Variants in PABIR2 observed in about 807,000 individuals in gnomAD.
PABIR2 encodes PABIR family member 2, also known as family with sequence similarity 122B.
A neutral mutation model predicts 22.8 loss-of-function variants in PABIR2; 7 were observed. The observed-to-expected ratio is 0.31, with a 90% confidence interval of 0.17 to 0.58. The LOEUF (loss-of-function observed/expected upper bound fraction) is 0.58. Among genes scored for constraint, PABIR2 ranks in the 20% least tolerant of loss-of-function variants. PABIR2 has a pLI of 0.89. For missense variants in PABIR2, 155 were observed against 205.1 expected (o/e 0.76, Z 1.49); for synonymous variants, 67 against 73.8 (o/e 0.91, Z 0.47).
In PABIR2 at chrX:134,785,962, A is replaced by G. The variant is rs1169894148; in HGVS notation, c.498-12T>C. On this transcript the variant is annotated splice_polypyrimidine_tract_variant and intron_variant, in intron 7 of 9. Transcript: ENST00000343004. The stretch of plus-strand genomic sequence containing the variant: ...TCTGACTTCTCCTGCTTTGATGAAA[A>G]AACAAACAGGATAATGTGAAGAACA... 3 of 1,203,769 alleles carry G rather than the reference A, an allele frequency of 2.5e-6. No individual in the cohort carries two copies. In the Admixed American group the frequency reaches 6.6e-5, roughly 26 times the overall value.
intron 7 of PABIR2, among the ~76,000 whole-genome samples, chrX:134,786,410 C>T (rs1462034045): frequency 1.8e-5 from 2 of 109,444 alleles, no homozygotes; most frequent in Non-Finnish European, 3.8e-5. Context: ...CCCAGCTACC[C>T]AGGAGGCTGA....
chrX:134,788,615 T>C (rs2079451582), intron 6 of PABIR2, 115 bp downstream of exon 6: 2 of 463,629 alleles, frequency 4.3e-6, no homozygotes, highest in South Asian at 1.2e-4. Context: ...GCTGTAGATT[T>C]TCATTGATTT....
intron 9 of PABIR2, among the ~76,000 whole-genome samples, chrX:134,780,419 T>C (rs2079124922): frequency 9.1e-6 from 1 of 109,930 alleles, no homozygotes; most frequent in Non-Finnish European, 1.9e-5. Context: ...CCACTACAAA[T>C]ACAAAAAAAA....
At chrX:134,779,906 C>T (rs2079113045) in intron 9 of PABIR2, among the ~76,000 whole-genome samples, 1 of 112,380 alleles carries the variant, frequency 8.9e-6, no homozygotes, top group South Asian at 3.7e-4. Context: ...TCTTGACAAG[C>T]TTCAGAAGTT....
At chrX:134,788,575 CAT>C (rs200016277) in intron 6 of PABIR2, among the ~76,000 whole-genome samples, 153 bp downstream of exon 6, 3 of 105,828 alleles carry the variant, frequency 2.8e-5, no homozygotes, top group Admixed American at 2.1e-4. Flanking sequence ...CAAGAATATA[CAT>C]ATATATATGT....
intron 2 of PABIR2, among the ~76,000 whole-genome samples, chrX:134,790,734 G>T (rs2079521672): frequency 8.9e-6 from 1 of 111,750 alleles, no homozygotes; most frequent in Admixed American, 9.5e-5. Context: ...GGAGACTGGA[G>T]TATAAGATAA....
chrX:134,769,815 G>A lies in PABIR2; in HGVS notation c.*2324C>T, dbSNP rs1026214352. On this transcript the variant is annotated 3_prime_UTR_variant, in exon 10 of 10. Transcript: ENST00000343004. ...GAGAGAATTTTACTTTATAACAATCGCTTTTCAAATATTAGACTTTATATA... is the reference window on the plus strand; with the variant it reads ...GAGAGAATTTTACTTTATAACAATCACTTTTCAAATATTAGACTTTATATA... 4.5e-5 allele frequency: 5 copies of A among 111,695 alleles called. No individual in the cohort carries two copies. The highest frequency in any genetic ancestry group is 9.4e-5 in the Non-Finnish European group (5 of 53,065). The allele number at this position is 111,695 out of a possible 1,213,427, so 9.2% of individuals were successfully genotyped here.
intron 1 of PABIR2, among the ~76,000 whole-genome samples, chrX:134,795,807 G>A (rs2079768955): frequency 8.9e-6 from 1 of 111,762 alleles, no homozygotes; most frequent in Non-Finnish European, 1.9e-5. Context: ...GACATTCCCT[G>A]GTGTAAGTTA....
intron 9 of PABIR2, among the ~76,000 whole-genome samples, chrX:134,780,383 C>G (rs2079124436): frequency 8.9e-6 from 1 of 111,735 alleles, no homozygotes; most frequent in Admixed American, 9.5e-5. Context: ...CGAGACCAGC[C>G]TGGCCAACAT....
At chrX:134,796,059 G>C (rs1298199638) in intron 1 of PABIR2, 49 bp downstream of exon 1, 8 of 1,122,985 alleles carry the variant, frequency 7.1e-6, no homozygotes, top group Non-Finnish European at 9.8e-6. Context: ...CTTGCATGGG[G>C]GCAAGGAGCC....
chrX:134,775,518 CAAA>C (rs773542327), intron 9 of PABIR2, among the ~76,000 whole-genome samples: 1 of 25,239 alleles, frequency 4.0e-5, no homozygotes, highest in African/African-American at 1.5e-4. Context: ...GACTCCGTCT[CAAA>C]AAAAAAAAAA....
intron 1 of PABIR2, among the ~76,000 whole-genome samples, chrX:134,795,369 A>G (rs762968709): frequency 1.8e-5 from 2 of 111,639 alleles, no homozygotes; most frequent in Non-Finnish European, 3.8e-5. Context: ...TTGTCTCCTT[A>G]TAAAAGTGAA....
Position 134,793,827 on chromosome X carries a change from G to A in PABIR2, c.165C>T (p.Ser55=), listed in dbSNP as rs773424160. 3.3e-6 allele frequency: 4 copies of A among 1,209,861 alleles called. No homozygotes were observed. The highest frequency in any genetic ancestry group is 1.8e-5 in the South Asian group (1 of 56,827). The part of the protein sequence containing the change: ...RTRRNSTTIM[S]RHSLLLSSSP... ...CTTCTATACTTACCAGGCTGTGACGGCTCATAATTGTTGTACTATTCCTCC... is the reference window on the plus strand; with the variant it reads ...CTTCTATACTTACCAGGCTGTGACGACTCATAATTGTTGTACTATTCCTCC... The change falls in exon 2 of 10, where the codon AGC becomes AGT. Residue 55 remains serine (S), a synonymous_variant. Transcript: ENST00000343004.
chrX:134,787,601 G>A lies in PABIR2; in HGVS notation c.436-68C>T, dbSNP rs191471437. Reference sequence around the variant, plus strand: ...ATATTAAAATAGTTCTAGCACTCCAGTTTTCTTTCTTTTTTTTTTTTTTTT... The same window carrying A: ...ATATTAAAATAGTTCTAGCACTCCAATTTTCTTTCTTTTTTTTTTTTTTTT... On this transcript the variant is annotated intron_variant, in intron 6 of 9. Transcript: ENST00000343004. The A allele has an allele frequency of 7.3e-4, 276 of 376,340 alleles. 1 individual carries two copies. The South Asian group carries it at 0.011, about 14-fold the overall frequency. The allele number at this position is 376,340 out of a possible 1,213,427, so 31.0% of individuals were successfully genotyped here.
At chrX:134,793,794 G>A (rs2079619777) in intron 2 of PABIR2, 21 bp downstream of exon 2, 1 of 1,192,451 alleles carries the variant, frequency 8.4e-7, no homozygotes, top group Non-Finnish European at 1.1e-6. Context: ...AATCACTTCA[G>A]ATACTTACTT....
In PABIR2 at chrX:134,788,773, G is replaced by A. The variant is rs1349623099; in HGVS notation, c.392C>T (p.Thr131Ile). 1.7e-6 allele frequency: 2 copies of A among 1,209,755 alleles called. No homozygotes were observed. The highest frequency in any genetic ancestry group is 2.2e-5 in the Admixed American group (1 of 45,691). Residue 131 changes from threonine (T) to isoleucine (I), a missense_variant, in exon 6 of 10, where the codon ACT becomes ATT. Thr to Ile is a moderately conservative substitution (Grantham distance 89, BLOSUM62 -1). Coordinates refer to ENST00000343004, the MANE Select transcript of PABIR2 (RefSeq NM_001387468.1). ...GGGTGAAGGTGCTGGAGAAACTGGA[G>A]TGAAGTCAATTCTCTTAGGAGAATA... ...KLYSPKRIDF[T>I]PVSPAPSPTR...
intron 9 of PABIR2, among the ~76,000 whole-genome samples, chrX:134,776,017 G>A (rs759366925): frequency 9.0e-6 from 1 of 111,705 alleles, no homozygotes; most frequent in African/African-American, 3.3e-5. Flanking sequence ...TCATTTTTAT[G>A]GTGAAGGTAG....
chrX:134,780,123 T>A (rs1333220265), intron 9 of PABIR2, among the ~76,000 whole-genome samples: 1 of 112,846 alleles, frequency 8.9e-6, no homozygotes, highest in African/African-American at 3.2e-5. Context: ...GACTTCTTGG[T>A]CAACTAGAAG....
chrX:134,787,410 A>G (rs1032701762), intron 7 of PABIR2, 62 bp downstream of exon 7: 1 of 1,118,480 alleles, frequency 8.9e-7, no homozygotes, highest in Admixed American at 2.2e-5. Flanking sequence ...ACAAAAAGCT[A>G]ATCTGAGAGA....
Sources: allele counts gnomAD v4.1 joint callset (sites outside exome capture counted in the v4.1 genomes callset), GRCh38; gene constraint gnomAD v4.1.1; transcripts MANE v1.5; gene names NCBI Gene and HGNC (gene_info 2026-07-23, HGNC 2026-07-21).